The following PRKG1 variants were observed in gnomAD, a reference collection of about 807,000 sequenced individuals.
PRKG1 encodes protein kinase cGMP-dependent 1.
PRKG1 carries 35 observed loss-of-function variants against 88.1 expected under a neutral mutation model. That is an observed-to-expected ratio of 0.40 (90% CI 0.30 to 0.53). The LOEUF (loss-of-function observed/expected upper bound fraction) is 0.53. PRKG1 is among the 20% of genes least tolerant of loss of function. The probability of loss-of-function intolerance (pLI) is 0.59; values close to 1 mark genes in which losing one functional copy is unlikely to be tolerated. For synonymous variants in PRKG1, 303 were observed against 292.5 expected (o/e 1.04, Z -0.37); for missense variants, 540 against 839.8 (o/e 0.64, Z 4.41).
chr10:51,303,363 C>A (rs1383410370), intron 2 of PRKG1, among the ~76,000 whole-genome samples: 1 of 143,244 alleles, frequency 7.0e-6, no homozygotes, highest in African/African-American at 2.7e-5. Flanking sequence ...ATGTTCACTG[C>A]TAGTCTTCAC....
chr10:51,219,029 G>A (rs1838453037), intron 2 of PRKG1, among the ~76,000 whole-genome samples: 1 of 152,152 alleles, frequency 6.6e-6, no homozygotes, highest in Non-Finnish European at 1.5e-5. Flanking sequence ...TTGATTAAAT[G>A]AGATGAAGCA....
intron 3 of PRKG1, among the ~76,000 whole-genome samples, chr10:51,479,901 T>G (rs778652439): frequency 6.6e-6 from 1 of 152,076 alleles, no homozygotes; most frequent in African/African-American, 2.4e-5. Flanking sequence ...CAGTCTGGCA[T>G]TCTGTTTTAG....
intron 10 of PRKG1, among the ~76,000 whole-genome samples, chr10:52,270,624 A>G (rs964173739): frequency 2.6e-5 from 4 of 151,348 alleles, no homozygotes; most frequent in African/African-American, 7.3e-5. Flanking sequence ...GCAAGGACCA[A>G]AAACCAAACA....
At chr10:51,885,153 A>G (rs893483652) in intron 4 of PRKG1, among the ~76,000 whole-genome samples, 7 of 152,240 alleles carry the variant, frequency 4.6e-5, no homozygotes, top group Non-Finnish European at 7.3e-5. Flanking sequence ...ACATGTAATT[A>G]AGTCATTTAA....
At chr10:51,903,913 G>C (rs1842032293) in intron 4 of PRKG1, among the ~76,000 whole-genome samples, 1 of 152,080 alleles carries the variant, frequency 6.6e-6, no homozygotes, top group African/African-American at 2.4e-5. Context: ...CTATACAATA[G>C]ATGACAATAA....
intron 1 of PRKG1, among the ~76,000 whole-genome samples, chr10:51,011,498 G>T (rs983281738): frequency 6.6e-6 from 1 of 152,162 alleles, no homozygotes; most frequent in African/African-American, 2.4e-5. Context: ...ATACTTAGAA[G>T]TAACCTCATA....
chr10:52,037,665 A>T (rs1176960443), intron 5 of PRKG1, among the ~76,000 whole-genome samples: 2 of 152,304 alleles, frequency 1.3e-5, no homozygotes. Context: ...CACCTTTTTA[A>T]GAGTAAATTG....
chr10:51,145,613 G>A (rs116087174), intron 1 of PRKG1, among the ~76,000 whole-genome samples: 304 of 152,262 alleles, frequency 2.0e-3, no homozygotes, highest in African/African-American at 7.0e-3. Flanking sequence ...AGGCTCACGC[G>A]TAAAATGCAT....
At chr10:51,016,911 C>T (rs1843074007) in intron 1 of PRKG1, among the ~76,000 whole-genome samples, 1 of 151,280 alleles carries the variant, frequency 6.6e-6, no homozygotes, top group African/African-American at 2.4e-5. Context: ...TCATGATCTG[C>T]CCCCTTTGGG....
chr10:52,180,622 C>T (rs1190992129), intron 9 of PRKG1, among the ~76,000 whole-genome samples: 4 of 152,018 alleles, frequency 2.6e-5, no homozygotes, highest in Non-Finnish European at 4.4e-5. Context: ...GTGTAGTCTC[C>T]GTGTAGTTTC....
intron 9 of PRKG1, among the ~76,000 whole-genome samples, chr10:52,196,814 T>C (rs887811173): frequency 1.3e-5 from 2 of 152,188 alleles, no homozygotes; most frequent in Admixed American, 1.3e-4. Context: ...AAAATCCATA[T>C]TTCAAAACCT....
intron 2 of PRKG1, among the ~76,000 whole-genome samples, chr10:51,463,608 G>A (rs1348888977): frequency 6.6e-6 from 1 of 152,144 alleles, no homozygotes; most frequent in Admixed American, 6.5e-5. Flanking sequence ...GGGGTCACTG[G>A]GTGTACGCAG....
intron 2 of PRKG1, among the ~76,000 whole-genome samples, chr10:51,154,526 T>C (rs1333905056): frequency 6.6e-6 from 1 of 152,048 alleles, no homozygotes; most frequent in African/African-American, 2.4e-5. Flanking sequence ...ATGTAAAGTA[T>C]AGAACACCAC....
intron 3 of PRKG1, among the ~76,000 whole-genome samples, chr10:51,614,448 G>C (rs1838991985): frequency 6.6e-6 from 1 of 151,426 alleles, no homozygotes; most frequent in Non-Finnish European, 1.5e-5. Context: ...ATTAGCACAG[G>C]GTCAGTATTC....
intron 10 of PRKG1, among the ~76,000 whole-genome samples, chr10:52,261,198 A>AAGATAG (rs1428208716): frequency 1.3e-5 from 2 of 151,998 alleles, no homozygotes; most frequent in East Asian, 3.9e-4. Context: ...TAAACTTAAT[A>AAGATAG]AGATAGATAT....
intron 2 of PRKG1, among the ~76,000 whole-genome samples, chr10:51,166,036 T>A (rs975830924): frequency 1.3e-5 from 2 of 152,116 alleles, no homozygotes; most frequent in Non-Finnish European, 2.9e-5. Context: ...TGTTACACTT[T>A]ATATTCGGAT....
At chr10:51,466,826 A>G (rs575867803) in intron 2 of PRKG1, among the ~76,000 whole-genome samples, 3 of 152,018 alleles carry the variant, frequency 2.0e-5, no homozygotes, top group Non-Finnish European at 4.4e-5. Context: ...TTTCAAACAC[A>G]AGCTAACTCT....
intron 3 of PRKG1, among the ~76,000 whole-genome samples, chr10:51,537,026 A>G (rs938487970): frequency 6.6e-6 from 1 of 152,050 alleles, no homozygotes; most frequent in East Asian, 1.9e-4. Context: ...TCTTGAATTG[A>G]CTTTTGTTTA....
intron 3 of PRKG1, among the ~76,000 whole-genome samples, chr10:51,648,366 A>C (rs118006792): frequency 1.6e-3 from 247 of 152,336 alleles, no homozygotes; most frequent in Non-Finnish European, 2.9e-3. Flanking sequence ...TTCTTAATTT[A>C]AGCTGTGGTG....
Sources: gnomAD v4.1 joint callset for allele counts (sites outside exome capture counted in the v4.1 genomes callset) on GRCh38, gnomAD v4.1.1 for gene constraint, MANE v1.5 for transcripts, NCBI Gene and HGNC (gene_info 2026-07-23, HGNC 2026-07-21) for gene names.